The following DYNC1I1 variants were observed in gnomAD, a reference collection of about 807,000 sequenced individuals.
The protein encoded by DYNC1I1 is dynein cytoplasmic 1 intermediate chain 1.
In DYNC1I1, 43 loss-of-function variants were observed where a neutral mutation model predicts 86.6. That is an observed-to-expected ratio of 0.50 (90% CI 0.39 to 0.64). DYNC1I1 has a LOEUF of 0.64. Among genes scored for constraint, DYNC1I1 ranks in the 30% least tolerant of loss-of-function variants. The pLI is 0.00. For missense variants in DYNC1I1, 604 were observed against 788.8 expected (o/e 0.77, Z 2.81); for synonymous variants, 262 against 283.7 (o/e 0.92, Z 0.77).
intron 6 of DYNC1I1, among the ~76,000 whole-genome samples, chr7:95,902,770 C>T (rs1347519638): frequency 2.0e-5 from 3 of 152,066 alleles, no homozygotes; most frequent in African/African-American, 7.2e-5. Context: ...CAAGTGCTTT[C>T]CCCCCAGCGT....
chr7:96,102,548 T>G (rs887408287), downstream of DYNC1I1, among the ~76,000 whole-genome samples: 1 of 152,200 alleles, frequency 6.6e-6, no homozygotes, highest in Non-Finnish European at 1.5e-5. Flanking sequence ...TAAGCCTCTT[T>G]GGTTTTTGAA....
intron 12 of DYNC1I1, among the ~76,000 whole-genome samples, chr7:96,033,879 ACATGTCTGTAGTC>A (rs1794870965): frequency 6.6e-6 from 1 of 152,078 alleles, no homozygotes; most frequent in South Asian, 2.1e-4. Flanking sequence ...GTGTGCTAGC[ACATGTCTGTAGTC>A]CATGTTCCTT....
At chr7:95,899,413 C>G (rs1444735675) in intron 6 of DYNC1I1, among the ~76,000 whole-genome samples, 1 of 152,148 alleles carries the variant, frequency 6.6e-6, no homozygotes, top group Non-Finnish European at 1.5e-5. Flanking sequence ...GTTGGTCACT[C>G]TTGGGCTGAA....
intron 1 of DYNC1I1, 94 bp from the exon 2 acceptor site, chr7:95,804,627 T>G: frequency 2.3e-6 from 3 of 1,292,402 alleles, no homozygotes; most frequent in Non-Finnish European, 3.1e-6. Context: ...AAAAGTCACA[T>G]TGTTAAGTTG....
chr7:96,007,050 T>C (rs1794159277), intron 10 of DYNC1I1, among the ~76,000 whole-genome samples: 1 of 152,154 alleles, frequency 6.6e-6, no homozygotes, highest in Admixed American at 6.5e-5. Context: ...AATACAAAGA[T>C]TGAAGGACTT....
At chr7:96,029,064 T>C (rs1211387349) in intron 11 of DYNC1I1, among the ~76,000 whole-genome samples, 2 of 152,220 alleles carry the variant, frequency 1.3e-5, no homozygotes, top group African/African-American at 2.4e-5. Context: ...ACAGCTTTAC[T>C]CTTGTTTTCA....
chr7:95,807,454 C>T (rs1169052619), intron 2 of DYNC1I1, among the ~76,000 whole-genome samples: 1 of 152,116 alleles, frequency 6.6e-6, no homozygotes, highest in Admixed American at 6.6e-5. Flanking sequence ...CCACCCCCTA[C>T]CCCAATTCGC....
chr7:95,987,103 A>C lies in DYNC1I1; in HGVS notation c.791A>C (p.Asp264Ala). The change falls in exon 9 of 17, where the codon GAT becomes GCT. Residue 264 changes from aspartate (D) to alanine (A), a missense_variant. Physicochemically the swap from Asp to Ala is moderately radical, Grantham distance 126. Coordinates refer to ENST00000447467, the MANE Select transcript of DYNC1I1 (RefSeq NM_001135556.2). ...CTTTCTTTCAATCGTCAGTTCTATG[A>C]TGAACATTGGTCCAAGCATCGAGTG... ...ANLSFNRQFY[D>A]EHWSKHRVVT... 1 of 1,613,988 alleles carries C rather than the reference A, an allele frequency of 6.2e-7. No homozygotes were observed. The highest frequency in any genetic ancestry group is 8.5e-7 in the Non-Finnish European group (1 of 1,179,896).
chr7:96,089,351 G>A (rs930447881), intron 16 of DYNC1I1, among the ~76,000 whole-genome samples: 4 of 151,898 alleles, frequency 2.6e-5, no homozygotes. Context: ...GCACAAAATA[G>A]GCACACAATA....
In DYNC1I1 at chr7:96,038,161, C is replaced by T. The variant is rs139909422; in HGVS notation, c.1365-1116C>T. On this transcript the variant is annotated intron_variant, in intron 13 of 16. Coordinates refer to ENST00000447467, the MANE Select transcript of DYNC1I1 (RefSeq NM_001135556.2). Reference sequence around the variant, plus strand: ...TTTTGAGTGCCTGTTACATGGAACACGCACTGCCACACTTTGCTCATGATT... The same window carrying T: ...TTTTGAGTGCCTGTTACATGGAACATGCACTGCCACACTTTGCTCATGATT... Among the ~76,000 whole-genome samples the T allele has an allele frequency of 2.0e-4, 31 of 152,258 alleles. No homozygotes were observed. In the East Asian group the frequency reaches 5.4e-3, roughly 27 times the overall value.
At chr7:96,006,386 C>T (rs934470809) in intron 10 of DYNC1I1, among the ~76,000 whole-genome samples, 3 of 152,114 alleles carry the variant, frequency 2.0e-5, no homozygotes, top group African/African-American at 7.2e-5. Context: ...CCTTTCTCCC[C>T]CTCCCCAGTC....
chr7:95,973,312 CTT>C (rs1793221211), intron 6 of DYNC1I1, among the ~76,000 whole-genome samples: 1 of 152,280 alleles, frequency 6.6e-6, no homozygotes, highest in Non-Finnish European at 1.5e-5. Flanking sequence ...AAACCAGTCT[CTT>C]GTGTTTTATT....
At chr7:95,776,059 G>A (rs948556050) in intron 1 of DYNC1I1, among the ~76,000 whole-genome samples, 2 of 152,114 alleles carry the variant, frequency 1.3e-5, no homozygotes, top group African/African-American at 4.8e-5. Context: ...CAGGCTGGAG[G>A]CTCGTGCCTG....
intron 11 of DYNC1I1, 85 bp downstream of exon 11, chr7:96,028,406 C>G (rs534810161): frequency 1.1e-5 from 17 of 1,497,464 alleles, no homozygotes; most frequent in Non-Finnish European, 1.4e-5. Flanking sequence ...TGGATGTTTT[C>G]AGTAATGCCA....
chr7:95,916,035 G>A (rs972205762), intron 6 of DYNC1I1, among the ~76,000 whole-genome samples: 1 of 152,128 alleles, frequency 6.6e-6, no homozygotes, highest in Non-Finnish European at 1.5e-5. Flanking sequence ...GACTTTTGAA[G>A]CTTTGAGATT....
chr7:96,091,065 T>TA (rs2116314017), intron 16 of DYNC1I1, among the ~76,000 whole-genome samples: 1 of 152,252 alleles, frequency 6.6e-6, no homozygotes, highest in East Asian at 1.9e-4. Context: ...GGAATTGTCC[T>TA]AAAAAATACA....
At chr7:95,930,949 A>C (rs913017218) in intron 6 of DYNC1I1, among the ~76,000 whole-genome samples, 53 of 152,294 alleles carry the variant, frequency 3.5e-4, no homozygotes, top group African/African-American at 1.3e-3. Context: ...TTCACAGGAC[A>C]GCTAATTGGA....
At chr7:96,053,088 A>G (rs1789455150) in intron 14 of DYNC1I1, among the ~76,000 whole-genome samples, 1 of 152,174 alleles carries the variant, frequency 6.6e-6, no homozygotes, top group Non-Finnish European at 1.5e-5. Context: ...ACACTCTCAC[A>G]ATTCCACCTC....
intron 5 of DYNC1I1, among the ~76,000 whole-genome samples, chr7:95,830,831 T>C (rs1415742780): frequency 6.6e-6 from 1 of 152,180 alleles, no homozygotes; most frequent in African/African-American, 2.4e-5. Context: ...GAGCAGTTTA[T>C]GAGAGCCTCG....
Sources: allele counts gnomAD v4.1 joint callset (sites outside exome capture counted in the v4.1 genomes callset), GRCh38; gene constraint gnomAD v4.1.1; transcripts MANE v1.5; gene names NCBI Gene and HGNC (gene_info 2026-07-23, HGNC 2026-07-21).